The following DNAH6 variants were observed in gnomAD, a reference collection of about 807,000 sequenced individuals.
DNAH6 encodes axonemal beta dynein heavy chain 6.
DNAH6 carries 340 observed loss-of-function variants against 491.4 expected under a neutral mutation model. That is an observed-to-expected ratio of 0.69 (90% CI 0.63 to 0.76). The LOEUF (loss-of-function observed/expected upper bound fraction) is 0.76, where lower values mean the gene tolerates loss of function less well. Ranked by LOEUF, DNAH6 falls within the 30% of genes least tolerant of loss-of-function variation. The probability of loss-of-function intolerance (pLI) is 0.00; values close to 1 mark genes in which losing one functional copy is unlikely to be tolerated. For missense variants in DNAH6, 4,443 were observed against 4,972.2 expected (o/e 0.89, Z 3.20); for synonymous variants, 1,603 against 1,686.1 (o/e 0.95, Z 1.21).
rs151266197 is a variant in DNAH6 at position 84,643,015 on chromosome 2, T to C, written c.5078+961T>C. Among the ~76,000 whole-genome samples the C allele has an allele frequency of 4.3e-3, 651 of 152,284 alleles. 4 individuals are homozygous for C. The highest frequency in any genetic ancestry group is 0.015 in the African/African-American group (621 of 41,578). On this transcript the variant is annotated intron_variant, in intron 33 of 76. Coordinates refer to ENST00000389394, the MANE Select transcript of DNAH6 (RefSeq NM_001370.2). ...CAGAGTTTCTGACCTATGTTATTTT[T>C]CGTCTCTCTAAAGAACTGCTTTTAA...
At chr2:84,717,018 A>G (rs148399897) in intron 58 of DNAH6, among the ~76,000 whole-genome samples, 52 of 152,246 alleles carry the variant, frequency 3.4e-4, no homozygotes, top group African/African-American at 1.2e-3. Flanking sequence ...TGAACACCAC[A>G]GTTCACCTCC....
intron 63 of DNAH6, among the ~76,000 whole-genome samples, chr2:84,756,973 C>G (rs1674092154): frequency 6.6e-6 from 1 of 152,060 alleles, no homozygotes. Flanking sequence ...GAGCTCCTAG[C>G]AAAGAACTTG....
intron 70 of DNAH6, among the ~76,000 whole-genome samples, chr2:84,798,988 C>CT (rs34678148): frequency 0.031 from 4,229 of 136,582 alleles, 112 homozygotes; most frequent in African/African-American, 0.066. Context: ...TTTTTCTTTC[C>CT]TTTTTTTTTT....
intron 10 of DNAH6, among the ~76,000 whole-genome samples, chr2:84,553,366 TTTCTTTCTTTCTTTCTTTCTTTC>T (rs1679632445): frequency 1.1e-4 from 1 of 9,410 alleles, no homozygotes; most frequent in African/African-American, 3.9e-4. Flanking sequence ...TTTCTTTTCT[TTTCTTTCTTTCTTTCTTTCTTTC>T]TTTCTTTCTT....
chr2:84,795,342 ATAAAT>A (rs1678239906), intron 68 of DNAH6, among the ~76,000 whole-genome samples: 1 of 152,022 alleles, frequency 6.6e-6, no homozygotes, highest in African/African-American at 2.4e-5. Flanking sequence ...ATAAAATAAA[ATAAAT>A]TTAATCTGTT....
intron 4 of DNAH6, among the ~76,000 whole-genome samples, chr2:84,530,035 G>C (rs1201649629): frequency 6.6e-6 from 1 of 152,210 alleles, no homozygotes; most frequent in South Asian, 2.1e-4. Context: ...AGGAAGGACA[G>C]AAATGCTTAT....
chr2:84,602,797 G>GTTTTTT (rs70949898), intron 18 of DNAH6, among the ~76,000 whole-genome samples: 43 of 121,834 alleles, frequency 3.5e-4, no homozygotes, highest in East Asian at 9.3e-4. Flanking sequence ...TGGATGCTCT[G>GTTTTTT]TTTTTTTTTT....
the DNAH6 span, among the ~76,000 whole-genome samples, chr2:84,492,434 G>C: frequency 6.6e-6 from 1 of 152,150 alleles, no homozygotes; most frequent in East Asian, 1.9e-4. Context: ...CCTGTGTGGT[G>C]CCACAAATTC....
chr2:84,607,060 T>C lies in DNAH6; in HGVS notation c.3259T>C (p.Trp1087Arg). The C allele has an allele frequency of 6.4e-7, 1 of 1,551,488 alleles. No individual in the cohort carries two copies. Among genetic ancestry groups the C allele is most frequent in the Non-Finnish European group, 8.7e-7 (1 of 1,146,792 alleles). Residue 1087 changes from tryptophan to arginine, a missense_variant, in exon 21 of 77, where the codon TGG becomes CGG. Transcript: ENST00000389394. ...LGPLKTRVDE[W>R]QKQLALFNQT... ...TCCACTGAAAACTCGAGTGGATGAA[T>C]GGCAAAAACAACTTGCTTTATTTAA...
At chr2:84,789,277 A>G (rs1012028485) in intron 68 of DNAH6, among the ~76,000 whole-genome samples, 1 of 152,214 alleles carries the variant, frequency 6.6e-6, no homozygotes, top group African/African-American at 2.4e-5. Context: ...ACAACAGCCA[A>G]CACCATAGAC....
intron 47 of DNAH6, among the ~76,000 whole-genome samples, chr2:84,698,056 T>C (rs1210567562): frequency 6.6e-6 from 1 of 152,166 alleles, no homozygotes; most frequent in African/African-American, 2.4e-5. Flanking sequence ...GCTGAAGGCA[T>C]AGGTCCAGCA....
intron 20 of DNAH6, among the ~76,000 whole-genome samples, 168 bp downstream of exon 20, chr2:84,605,760 C>T (rs532498977): frequency 7.9e-5 from 12 of 152,244 alleles, no homozygotes; most frequent in South Asian, 2.1e-4. Flanking sequence ...AATGCTTGTA[C>T]GTGAAATATT....
rs989394268 is a variant in DNAH6, at chr2:84,634,766, G to A, written c.4653+125G>A. 5.0e-6 allele frequency: 6 copies of A among 1,201,618 alleles called. No individual in the cohort carries two copies. The African/African-American group carries it at 9.6e-5, about 19-fold the overall frequency. 74.4% of individuals were successfully genotyped at this position (1,201,618 alleles called of 1,614,324 possible). On this transcript the variant is annotated intron_variant, in intron 30 of 76. Transcript: ENST00000389394. Reference sequence around the variant, plus strand: ...GGAGGAATCCTGGGGAGCCCAAGGGGACCTTGGCTCTCCAGAGCTCACTGG... The same window carrying A: ...GGAGGAATCCTGGGGAGCCCAAGGGAACCTTGGCTCTCCAGAGCTCACTGG...
In DNAH6 at chr2:84,594,008, A is replaced by C. The variant is rs1214944859; in HGVS notation, c.2647A>C (p.Ser883Arg). The C allele has an allele frequency of 2.6e-6, 4 of 1,550,482 alleles. No individual in the cohort carries two copies. The South Asian group carries it at 4.8e-5, about 18-fold the overall frequency. Residue 883 changes from serine (S) to arginine (R), a missense_variant, in exon 17 of 77, where the codon AGT (serine) becomes CGT (arginine). Coordinates refer to ENST00000389394, the MANE Select transcript of DNAH6 (RefSeq NM_001370.2). The part of the protein sequence containing the change: ...VSKFEALEEV[S>R]AELKLKQLLW... ...CAAGTTTGAAGCTTTGGAAGAAGTCAGTGCTGAACTGAAGCTCAAACAATT... is the reference window on the plus strand; with the variant it reads ...CAAGTTTGAAGCTTTGGAAGAAGTCCGTGCTGAACTGAAGCTCAAACAATT...
chr2:84,705,391 T>C, intron 51 of DNAH6, 95 bp from the exon 52 acceptor site: 1 of 1,143,262 alleles, frequency 8.7e-7, no homozygotes, highest in Non-Finnish European at 1.2e-6. Context: ...TATCCACTTA[T>C]TGGGATAATA....
intron 68 of DNAH6, among the ~76,000 whole-genome samples, chr2:84,793,998 A>G (rs978895950): frequency 2.0e-5 from 3 of 152,224 alleles, no homozygotes; most frequent in Non-Finnish European, 4.4e-5. Flanking sequence ...AATGGAACAG[A>G]ACAGAGCCCT....
chr2:84,811,961 C>G (rs942266389), intron 72 of DNAH6, among the ~76,000 whole-genome samples: 1 of 152,154 alleles, frequency 6.6e-6, no homozygotes, highest in Non-Finnish European at 1.5e-5. Context: ...GGTTCTCACT[C>G]CCCATCTCCC....
At chr2:84,607,571 C>T (rs1482847443) in intron 21 of DNAH6, among the ~76,000 whole-genome samples, 1 of 152,136 alleles carries the variant, frequency 6.6e-6, no homozygotes, top group African/African-American at 2.4e-5. Context: ...ATTCATACCT[C>T]AAACCTCAGC....
chr2:84,485,317 C>G, the DNAH6 span, among the ~76,000 whole-genome samples: 1 of 151,970 alleles, frequency 6.6e-6, no homozygotes, highest in Non-Finnish European at 1.5e-5. Flanking sequence ...TCAAACACAG[C>G]ATGGAAGTGG....
Sources: gnomAD v4.1 joint callset for allele counts (sites outside exome capture counted in the v4.1 genomes callset) on GRCh38, gnomAD v4.1.1 for gene constraint, MANE v1.5 for transcripts, NCBI Gene and HGNC (gene_info 2026-07-23, HGNC 2026-07-21) for gene names.